Variants in COL22A1 observed in about 807,000 individuals in gnomAD.
COL22A1 encodes collagen type XXII alpha 1 chain, also known as collagen alpha-1(XXII) chain.
In COL22A1, 221 loss-of-function variants were observed where a neutral mutation model predicts 248.9. The ratio of observed to expected loss-of-function variants is 0.89; its 90% CI spans 0.80 to 0.99. The LOEUF is 0.99. Ranked by LOEUF, COL22A1 falls within the 50% of genes least tolerant of loss-of-function variation. COL22A1 has a pLI of 0.00. For missense variants in COL22A1, 2,240 were observed against 2,179.0 expected (o/e 1.03, Z -0.56); for synonymous variants, 891 against 793.4 (o/e 1.12, Z -2.07).
At chr8:138,863,434 CTTCCAGCCT>C (rs1248620017) in intron 3 of COL22A1, among the ~76,000 whole-genome samples, 35 of 152,324 alleles carry the variant, frequency 2.3e-4, no homozygotes, top group African/African-American at 8.4e-4. Flanking sequence ...GATGAGCTGA[CTTCCAGCCT>C]GGGAAACCAT....
At chr8:138,762,242 G>T (rs945139642) in intron 17 of COL22A1, among the ~76,000 whole-genome samples, 171 bp downstream of exon 17, 3 of 152,186 alleles carry the variant, frequency 2.0e-5, no homozygotes, top group Non-Finnish European at 4.4e-5. Flanking sequence ...GGTTCGCAGA[G>T]TCAACCTACA....
At position 138,755,174 on chromosome 8, in the gene COL22A1, C is replaced by T. The variant is rs756630962; in HGVS notation, c.2014G>A (p.Gly672Ser). Residue 672 changes from glycine (G) to serine (S), a missense_variant, in exon 21 of 65, where the codon GGT becomes AGT. Gly to Ser is a moderately conservative substitution (Grantham distance 56). Transcript: ENST00000303045. Reference protein sequence around the residue: ...PGPRGHQGAPGPPGARGPIGP... With the variant: ...PGPRGHQGAPSPPGARGPIGP... ...CAACTTACCCGAGCTCCTGGAGGAC[C>T]GGGGGCGCCTTGGTGACCTCTGGGT... 2.8e-5 allele frequency: 45 copies of T among 1,613,974 alleles called. No homozygotes were observed. The highest frequency in any genetic ancestry group is 3.3e-5 in the South Asian group (3 of 91,078).
chr8:138,655,820 C>T, intron 45 of COL22A1, 77 bp downstream of exon 45: 1 of 1,246,794 alleles, frequency 8.0e-7, no homozygotes, highest in Non-Finnish European at 1.2e-6. Flanking sequence ...TCAAAAAAAA[C>T]CCCAACTTAT....
At chr8:138,704,809 C>T (rs865803130) in intron 30 of COL22A1, among the ~76,000 whole-genome samples, 13 of 152,228 alleles carry the variant, frequency 8.5e-5, no homozygotes, top group Admixed American at 2.0e-4. Context: ...AGGCTTCAGA[C>T]GATCGGTAAT....
chr8:138,623,310 T>A (rs1587699582), intron 52 of COL22A1, among the ~76,000 whole-genome samples: 1 of 150,440 alleles, frequency 6.6e-6, no homozygotes. Flanking sequence ...TCCCACAATG[T>A]CTGGAGCTAG....
At chr8:138,766,506 A>G (rs1833923428) in intron 16 of COL22A1, among the ~76,000 whole-genome samples, 1 of 152,114 alleles carries the variant, frequency 6.6e-6, no homozygotes, top group African/African-American at 2.4e-5. Flanking sequence ...ACACAGAGAG[A>G]GAGACTCAGT....
At chr8:138,626,928 T>C (rs886122322) in intron 50 of COL22A1, among the ~76,000 whole-genome samples, 4 of 152,190 alleles carry the variant, frequency 2.6e-5, no homozygotes, top group Non-Finnish European at 5.9e-5. Flanking sequence ...ATGGTGAGTA[T>C]TATCATATCA....
At chr8:138,745,810 G>T (rs16909537) in intron 22 of COL22A1, among the ~76,000 whole-genome samples, 4,805 of 152,226 alleles carry the variant, frequency 0.032, 245 homozygotes, top group African/African-American at 0.11. Flanking sequence ...GCCAGGCTGG[G>T]TCTTCCGCCA....
chr8:138,746,761 T>C (rs1832146535), intron 22 of COL22A1, among the ~76,000 whole-genome samples: 1 of 152,224 alleles, frequency 6.6e-6, no homozygotes, highest in Admixed American at 6.5e-5. Context: ...AGAGCATGAC[T>C]TCTGTCCTTA....
intron 1 of COL22A1, among the ~76,000 whole-genome samples, chr8:138,884,918 A>C (rs2132080069): frequency 6.6e-6 from 1 of 152,344 alleles, no homozygotes; most frequent in South Asian, 2.1e-4. Flanking sequence ...TTAACCGTGA[A>C]GAAAATAGCA....
intron 61 of COL22A1, 69 bp downstream of exon 61, chr8:138,598,650 C>T: frequency 6.8e-7 from 1 of 1,464,398 alleles, no homozygotes; most frequent in South Asian, 1.3e-5. Context: ...CTCTGAAGTC[C>T]ACACACTTCC....
chr8:138,669,040 G>A (rs1488773606), intron 41 of COL22A1, among the ~76,000 whole-genome samples: 1 of 152,200 alleles, frequency 6.6e-6, no homozygotes, highest in African/African-American at 2.4e-5. Flanking sequence ...GTGCCTCCAG[G>A]AATGCCCCAG....
At chr8:138,759,644 G>T (rs1833286190) in intron 18 of COL22A1, among the ~76,000 whole-genome samples, 1 of 152,104 alleles carries the variant, frequency 6.6e-6, no homozygotes, top group Non-Finnish European at 1.5e-5. Context: ...TTCACATTTT[G>T]CAAAGAATGT....
intron 5 of COL22A1, among the ~76,000 whole-genome samples, chr8:138,832,655 C>T (rs117951015): frequency 0.024 from 3,610 of 152,258 alleles, 47 homozygotes; most frequent in Middle Eastern, 0.058. Context: ...AAAGCCACTC[C>T]GAGATTCTGG....
chr8:138,613,886 T>C lies in COL22A1; in HGVS notation c.3959A>G (p.Gln1320Arg). The stretch of plus-strand genomic sequence containing the variant: ...ACTCACCGGTGGGCCCCTTGGTCCT[T>C]GGGGACCCTGTGGCCCAGTGGGTCC... ...DTGPTGPQGP[Q>R]GPRGPPGKNG... Residue 1320 changes from glutamine to arginine, a missense_variant, in exon 56 of 65, where the codon CAA (glutamine) becomes CGA (arginine). Coordinates refer to ENST00000303045, the MANE Select transcript of COL22A1 (RefSeq NM_152888.3). 6.2e-7 allele frequency: 1 copy of C among 1,613,932 alleles called. No homozygotes were observed. The highest frequency in any genetic ancestry group is 1.1e-5 in the South Asian group (1 of 91,076).
Position 138,767,479 on chromosome 8 carries a change from A to G in COL22A1, c.1804-5013T>C, listed in dbSNP as rs1833999547. On this transcript the variant is annotated intron_variant, in intron 16 of 64. Coordinates refer to ENST00000303045, the MANE Select transcript of COL22A1 (RefSeq NM_152888.3). Reference sequence around the variant, plus strand: ...GGCTCCAGTTCCCCACCAGGATAACAAAACACACAAAAAAGGAAAAAGCCA... The same window carrying G: ...GGCTCCAGTTCCCCACCAGGATAACGAAACACACAAAAAAGGAAAAAGCCA... Among the ~76,000 whole-genome samples, 3 of 152,068 alleles carry G rather than the reference A, an allele frequency of 2.0e-5. No individual in the cohort carries two copies. The South Asian group carries it at 6.2e-4, about 32-fold the overall frequency.
At chr8:138,668,894 G>A (rs188693088) in intron 41 of COL22A1, among the ~76,000 whole-genome samples, 1 of 152,330 alleles carries the variant, frequency 6.6e-6, no homozygotes, top group East Asian at 1.9e-4. Context: ...TCACCCAGAG[G>A]GGGATAGGCG....
chr8:138,646,479 G>A, intron 47 of COL22A1, 150 bp downstream of exon 47: 1 of 528,128 alleles, frequency 1.9e-6, no homozygotes. Flanking sequence ...ATGGTCAATA[G>A]GATAGTCAGT....
At chr8:138,838,405 G>C (rs1182053950) in intron 4 of COL22A1, among the ~76,000 whole-genome samples, 2 of 152,064 alleles carry the variant, frequency 1.3e-5, no homozygotes, top group African/African-American at 4.8e-5. Context: ...CCTACCCTGG[G>C]AAAAGTCAGG....
Sources: gnomAD v4.1 joint callset for allele counts (sites outside exome capture counted in the v4.1 genomes callset) on GRCh38, gnomAD v4.1.1 for gene constraint, MANE v1.5 for transcripts, NCBI Gene and HGNC (gene_info 2026-07-23, HGNC 2026-07-21) for gene names.